Variants in KCNJ3 observed in about 807,000 individuals in gnomAD.
The protein encoded by KCNJ3 is potassium inwardly rectifying channel subfamily J member 3.
A neutral mutation model predicts 39.2 loss-of-function variants in KCNJ3; 4 were observed. That is an observed-to-expected ratio of 0.10 (90% CI 0.05 to 0.23). KCNJ3 has a LOEUF of 0.23. Among genes scored for constraint, KCNJ3 ranks in the 10% least tolerant of loss-of-function variants. The pLI is 1.00. For missense variants in KCNJ3, 276 were observed against 634.9 expected (o/e 0.43, Z 6.08); for synonymous variants, 230 against 237.4 (o/e 0.97, Z 0.29).
intron 2 of KCNJ3, among the ~76,000 whole-genome samples, chr2:154,776,327 C>T (rs1161742315): frequency 1.3e-5 from 2 of 152,082 alleles, no homozygotes; most frequent in Non-Finnish European, 2.9e-5. Context: ...TTGTGCTCTT[C>T]CACTGCCTCA....
intron 2 of KCNJ3, among the ~76,000 whole-genome samples, chr2:154,765,021 G>A (rs1168855089): frequency 6.6e-6 from 1 of 152,106 alleles, no homozygotes; most frequent in East Asian, 1.9e-4. Context: ...TTCTCAAGGT[G>A]GGCACGATTG....
chr2:154,818,267 C>T (rs557188980), intron 2 of KCNJ3, among the ~76,000 whole-genome samples: 1 of 152,136 alleles, frequency 6.6e-6, no homozygotes, highest in South Asian at 2.1e-4. Flanking sequence ...TGAAATTCTT[C>T]GAAGTATGGG....
chr2:154,833,236 A>G (rs1687392317), intron 2 of KCNJ3, among the ~76,000 whole-genome samples: 1 of 152,244 alleles, frequency 6.6e-6, no homozygotes, highest in Non-Finnish European at 1.5e-5. Flanking sequence ...CCTTTGTGGA[A>G]TAGTTAACTT....
At chr2:154,762,086 G>A (rs1055426551) in intron 2 of KCNJ3, among the ~76,000 whole-genome samples, 7 of 152,158 alleles carry the variant, frequency 4.6e-5, no homozygotes, top group East Asian at 1.9e-4. Flanking sequence ...AGGAATGAAC[G>A]CTCCCTTGGA....
intron 2 of KCNJ3, among the ~76,000 whole-genome samples, chr2:154,763,769 C>T (rs975676507): frequency 9.9e-5 from 15 of 152,148 alleles, no homozygotes; most frequent in African/African-American, 3.6e-4. Flanking sequence ...GCTGCTAGAG[C>T]TGGGCAAGTG....
intron 1 of KCNJ3, among the ~76,000 whole-genome samples, chr2:154,700,159 C>T (rs909451693): frequency 2.1e-4 from 32 of 152,116 alleles, no homozygotes; most frequent in African/African-American, 6.8e-4. Context: ...AGTGCTTTTC[C>T]TGTAGAGCCT....
chr2:154,813,982 A>T (rs1319748844), intron 2 of KCNJ3, among the ~76,000 whole-genome samples: 1 of 152,216 alleles, frequency 6.6e-6, no homozygotes, highest in East Asian at 1.9e-4. Flanking sequence ...GTGTATATTC[A>T]TCAACCAGTT....
intron 2 of KCNJ3, among the ~76,000 whole-genome samples, chr2:154,732,575 G>T (rs963239494): frequency 6.6e-6 from 1 of 151,946 alleles, no homozygotes; most frequent in Non-Finnish European, 1.5e-5. Context: ...TTATCATCAG[G>T]TTCTGCTGAT....
chr2:154,797,956 A>G (rs909884471), intron 2 of KCNJ3, among the ~76,000 whole-genome samples: 2 of 152,116 alleles, frequency 1.3e-5, no homozygotes, highest in Non-Finnish European at 2.9e-5. Flanking sequence ...TTCATTTTTC[A>G]TAATTGAAAT....
chr2:154,760,553 T>C (rs12467701), intron 2 of KCNJ3, among the ~76,000 whole-genome samples: 3 of 150,414 alleles, frequency 2.0e-5, no homozygotes, highest in Non-Finnish European at 1.5e-5. Context: ...ACTTCTCTCT[T>C]TCTCTCTCTC....
rs70983745 is a variant in KCNJ3 at position 154,736,374 on chromosome 2, T to TAAAAAAAAAAAAA, written c.919+26583_919+26595dup. ...AGAGAGTGACAGGAGTCACTAGTTC[T>TAAAAAAAAAAAAA]AAAAAAAAAAAAAAAAAAAAAAAAA... On this transcript the variant is annotated intron_variant, in intron 2 of 2. Transcript: ENST00000295101. 1.5e-4 allele frequency among the ~76,000 whole-genome samples: 14 copies of TAAAAAAAAAAAAA among 93,238 alleles called. 2 individuals carry two copies. The highest frequency in any genetic ancestry group is 2.6e-4 in the Admixed American group (2 of 7,672). The allele number at this position is 93,238 out of a possible 152,430, so 61.2% of individuals were successfully genotyped here.
At chr2:154,769,398 G>C (rs538932791) in intron 2 of KCNJ3, among the ~76,000 whole-genome samples, 1 of 152,108 alleles carries the variant, frequency 6.6e-6, no homozygotes, top group Non-Finnish European at 1.5e-5. Flanking sequence ...TAGCATGAAG[G>C]GCTGTTGAAT....
chr2:154,726,810 CA>C (rs1685365933), intron 2 of KCNJ3, among the ~76,000 whole-genome samples: 1 of 149,606 alleles, frequency 6.7e-6, no homozygotes, highest in Admixed American at 6.6e-5. Context: ...CACACACACA[CA>C]CACACACACA....
intron 2 of KCNJ3, among the ~76,000 whole-genome samples, chr2:154,750,321 A>G (rs979686080): frequency 2.0e-5 from 3 of 151,960 alleles, no homozygotes; most frequent in African/African-American, 7.2e-5. Context: ...GCTAATTTGT[A>G]ATAGTATTAT....
intron 2 of KCNJ3, among the ~76,000 whole-genome samples, chr2:154,817,246 T>G (rs973580615): frequency 6.6e-6 from 1 of 152,210 alleles, no homozygotes; most frequent in Admixed American, 6.6e-5. Context: ...TCAAATCACT[T>G]TATTTCATCA....
At chr2:154,822,671 C>A (rs554191000) in intron 2 of KCNJ3, among the ~76,000 whole-genome samples, 19 of 151,998 alleles carry the variant, frequency 1.3e-4, no homozygotes, top group African/African-American at 4.3e-4. Flanking sequence ...TTCATTCCTC[C>A]AAGTAAATGA....
At chr2:154,736,958 C>T (rs1401413739) in intron 2 of KCNJ3, among the ~76,000 whole-genome samples, 1 of 152,122 alleles carries the variant, frequency 6.6e-6, no homozygotes, top group African/African-American at 2.4e-5. Context: ...CTGGAGAGGT[C>T]ATCATAGTGG....
chr2:154,707,560 G>T (rs1685035183), intron 1 of KCNJ3, among the ~76,000 whole-genome samples: 3 of 151,926 alleles, frequency 2.0e-5, no homozygotes, highest in African/African-American at 7.2e-5. Flanking sequence ...GTATGAAAAA[G>T]GAAGACAAAT....
At chr2:154,787,760 T>A (rs1287792839) in intron 2 of KCNJ3, among the ~76,000 whole-genome samples, 1 of 151,868 alleles carries the variant, frequency 6.6e-6, no homozygotes, top group East Asian at 1.9e-4. Flanking sequence ...ATTTTTTTCA[T>A]GACTTTCCCT....
Sources: allele counts gnomAD v4.1 joint callset (sites outside exome capture counted in the v4.1 genomes callset), GRCh38; gene constraint gnomAD v4.1.1; transcripts MANE v1.5; gene names NCBI Gene and HGNC (gene_info 2026-07-23, HGNC 2026-07-21).